Variants in ATP8B4 observed in about 807,000 individuals in gnomAD.
The protein encoded by ATP8B4 is ATPase phospholipid transporting 8B4 (putative), also known as probable phospholipid-transporting ATPase IM.
ATP8B4 carries 133 observed loss-of-function variants against 145.6 expected under a neutral mutation model. The ratio of observed to expected loss-of-function variants is 0.91; its 90% CI spans 0.79 to 1.05. The LOEUF (loss-of-function observed/expected upper bound fraction) is 1.05, where lower values mean the gene tolerates loss of function less well. Ranked by LOEUF, ATP8B4 falls within the 50% of genes least tolerant of loss-of-function variation. The pLI is 0.00. For synonymous variants in ATP8B4, 507 were observed against 492.9 expected (o/e 1.03, Z -0.38); for missense variants, 1,458 against 1,425.2 (o/e 1.02, Z -0.37).
Position 49,931,157 on chromosome 15 carries a change from A to C in ATP8B4, c.1604T>G (p.Leu535Trp). Residue 535 changes from leucine to tryptophan, a missense_variant, in exon 16 of 28, where the codon TTG becomes TGG. By Grantham distance (61) the Leu-to-Trp change is moderately conservative. Coordinates refer to ENST00000284509, the MANE Select transcript of ATP8B4 (RefSeq NM_024837.4). ...TLVTYQLLAF[L>W]DFNNTRKRMS... ...CCTTTTTCTGGTGTTGTTGAAATCC[A>C]AAAAGGCAAGTAATTGATAAGTAAC... 1 of 1,611,954 alleles carries C rather than the reference A, an allele frequency of 6.2e-7. No individual in the cohort carries two copies. Among genetic ancestry groups the C allele is most frequent in the Non-Finnish European group, 8.5e-7 (1 of 1,178,674 alleles).
chr15:49,949,576 G>T (rs548229415), intron 14 of ATP8B4, among the ~76,000 whole-genome samples: 1 of 152,170 alleles, frequency 6.6e-6, no homozygotes, highest in South Asian at 2.1e-4. Context: ...GTGCTGAGAC[G>T]ATGGGGTTTT....
chr15:50,074,257 A>G (rs2054035805), intron 2 of ATP8B4, 72 bp from the exon 3 acceptor site: 6 of 1,318,784 alleles, frequency 4.5e-6, no homozygotes, highest in Non-Finnish European at 5.3e-6. Context: ...TAAAACAACA[A>G]GACTTAGGTT....
At chr15:49,985,221 C>A (rs8027127) in intron 10 of ATP8B4, among the ~76,000 whole-genome samples, 3 of 151,664 alleles carry the variant, frequency 2.0e-5, no homozygotes, top group African/African-American at 7.3e-5. Flanking sequence ...CTCAGCCTCC[C>A]GAGTAGCTGG....
At chr15:50,115,681 C>A (rs544028129) in intron 1 of ATP8B4, among the ~76,000 whole-genome samples, 1 of 151,974 alleles carries the variant, frequency 6.6e-6, no homozygotes, top group Non-Finnish European at 1.5e-5. Context: ...CAGGTAAGAG[C>A]TGGATTCTGA....
chr15:50,160,069 T>C (rs2044494153), intron 1 of ATP8B4, among the ~76,000 whole-genome samples: 1 of 134,936 alleles, frequency 7.4e-6, no homozygotes, highest in Admixed American at 7.9e-5. Context: ...GTCTTCAATC[T>C]CATTGCTTGT....
chr15:50,076,766 C>T (rs182521647), intron 2 of ATP8B4, among the ~76,000 whole-genome samples: 15 of 152,280 alleles, frequency 9.9e-5, no homozygotes, highest in Admixed American at 9.1e-4. Flanking sequence ...ACTAAGTCTT[C>T]CTGGATTAAT....
At chr15:49,950,615 C>CAAAAAAAAAAAAAAAAAAAAAA (rs1189915156) in intron 14 of ATP8B4, among the ~76,000 whole-genome samples, 1 of 79,980 alleles carries the variant, frequency 1.3e-5, no homozygotes, top group South Asian at 3.3e-4. Flanking sequence ...AACAAACAAA[C>CAAAAAAAAAAAAAAAAAAAAAA]AAACAAAAAA....
chr15:50,042,437 C>T (rs1433207501), intron 5 of ATP8B4, among the ~76,000 whole-genome samples: 4 of 152,146 alleles, frequency 2.6e-5, no homozygotes, highest in Non-Finnish European at 5.9e-5. Context: ...TCACCATACT[C>T]AACTACTCTT....
chr15:49,950,608 A>AC (rs2042994551), intron 14 of ATP8B4, among the ~76,000 whole-genome samples: 1 of 98,892 alleles, frequency 1.0e-5, no homozygotes, highest in African/African-American at 3.7e-5. Flanking sequence ...AAAAACAAAC[A>AC]AACAAACAAA....
chr15:50,001,177 CTCTTA>C (rs1471705525), intron 8 of ATP8B4, among the ~76,000 whole-genome samples: 3 of 151,666 alleles, frequency 2.0e-5, no homozygotes, highest in African/African-American at 7.3e-5. Context: ...TTTATTTCTG[CTCTTA>C]TCTTATTATC....
intron 3 of ATP8B4, among the ~76,000 whole-genome samples, chr15:50,064,137 G>A (rs1466322959): frequency 6.6e-6 from 1 of 152,114 alleles, no homozygotes; most frequent in Non-Finnish European, 1.5e-5. Flanking sequence ...GTATTGTACT[G>A]AAGCTAATTT....
chr15:50,026,032 T>C (rs2049982804), intron 6 of ATP8B4, among the ~76,000 whole-genome samples: 1 of 152,222 alleles, frequency 6.6e-6, no homozygotes, highest in Admixed American at 6.5e-5. Flanking sequence ...ATACAATTTA[T>C]CTCCACTGTT....
At chr15:50,019,805 G>A (rs2049388288) in intron 6 of ATP8B4, among the ~76,000 whole-genome samples, 1 of 152,084 alleles carries the variant, frequency 6.6e-6, no homozygotes, top group Non-Finnish European at 1.5e-5. Flanking sequence ...TTTAATTCCA[G>A]AACATCCAAG....
chr15:50,162,298 CT>C (rs2044531916), intron 1 of ATP8B4, among the ~76,000 whole-genome samples: 1 of 151,006 alleles, frequency 6.6e-6, no homozygotes, highest in Non-Finnish European at 1.5e-5. Flanking sequence ...CCTTCTTATA[CT>C]TTATTAATAT....
chr15:49,924,979 C>T (rs562814825), intron 16 of ATP8B4, among the ~76,000 whole-genome samples: 36 of 152,228 alleles, frequency 2.4e-4, no homozygotes, highest in South Asian at 4.1e-4. Context: ...TAAAGGCAAA[C>T]GATGAATAAC....
chr15:50,074,101 G>C (rs373048265), intron 3 of ATP8B4, 26 bp downstream of exon 3: 4 of 1,597,022 alleles, frequency 2.5e-6, no homozygotes, highest in Middle Eastern at 3.3e-4. Context: ...ATCCTAGTAC[G>C]TATGTGTTAT....
intron 1 of ATP8B4, among the ~76,000 whole-genome samples, chr15:50,113,774 G>C (rs2057060284): frequency 6.9e-6 from 1 of 144,908 alleles, no homozygotes; most frequent in African/African-American, 2.6e-5. Context: ...GGGAGGCAGA[G>C]GTTGCGGTGA....
Position 49,934,278 on chromosome 15 carries a change from A to G in ATP8B4, c.1288-96T>C, listed in dbSNP as rs940237091. The G allele has an allele frequency of 2.9e-6, 4 of 1,359,272 alleles. No individual in the cohort carries two copies. In the East Asian group the frequency reaches 7.4e-5, roughly 25 times the overall value. 84.2% of individuals were successfully genotyped at this position (1,359,272 alleles called of 1,614,324 possible). A position where few individuals can be genotyped will look rare whatever the true frequency, so the allele number is the denominator to read the frequency against. ...TAGTTCCCCCAAGTATTTTTAGTGT[A>G]TTATTTTGCAGCCTCAAATGTCTGG... On this transcript the variant is annotated intron_variant, in intron 14 of 27. Transcript: ENST00000284509.
intron 8 of ATP8B4, among the ~76,000 whole-genome samples, chr15:50,000,741 A>T (rs1407644941): frequency 2.0e-5 from 3 of 151,984 alleles, no homozygotes; most frequent in Non-Finnish European, 2.9e-5. Context: ...CCTTTTATGG[A>T]TTATGTTTAC....
Sources: gnomAD v4.1 joint callset for allele counts (sites outside exome capture counted in the v4.1 genomes callset) on GRCh38, gnomAD v4.1.1 for gene constraint, MANE v1.5 for transcripts, NCBI Gene and HGNC (gene_info 2026-07-23, HGNC 2026-07-21) for gene names.